MAGI2: variants seen among roughly 807,000 people sequenced by gnomAD.
MAGI2 encodes membrane associated guanylate kinase, WW and PDZ domain containing 2.
In MAGI2, 35 loss-of-function variants were observed where a neutral mutation model predicts 133.3. That is an observed-to-expected ratio of 0.26 (90% CI 0.20 to 0.35). The LOEUF is 0.35. Ranked by LOEUF, MAGI2 falls within the 10% of genes least tolerant of loss-of-function variation. MAGI2 has a pLI of 1.00. For missense variants in MAGI2, 1,636 were observed against 1,863.4 expected (o/e 0.88, Z 2.25); for synonymous variants, 729 against 710.6 (o/e 1.03, Z -0.41).
intron 2 of MAGI2, among the ~76,000 whole-genome samples, chr7:78,694,612 T>G (rs748645787): frequency 6.6e-6 from 1 of 152,126 alleles, no homozygotes; most frequent in Non-Finnish European, 1.5e-5. Context: ...AACAGTACAT[T>G]TTAATATAAA....
intron 2 of MAGI2, among the ~76,000 whole-genome samples, chr7:78,850,754 A>G (rs914213163): frequency 2.0e-5 from 3 of 152,060 alleles, no homozygotes; most frequent in Non-Finnish European, 4.4e-5. Flanking sequence ...AGTCTGTGCT[A>G]CAAAGTCTTG....
At chr7:78,423,694 A>T (rs1799010160) in intron 6 of MAGI2, among the ~76,000 whole-genome samples, 3 of 152,172 alleles carry the variant, frequency 2.0e-5, no homozygotes, top group Admixed American at 2.0e-4. Flanking sequence ...GATAGAGATG[A>T]GGAACTTGTT....
intron 2 of MAGI2, among the ~76,000 whole-genome samples, chr7:78,695,720 G>A (rs1349986012): frequency 6.6e-6 from 1 of 152,120 alleles, no homozygotes; most frequent in East Asian, 1.9e-4. Context: ...GATTTAGTGG[G>A]GGGAAAAATT....
intron 1 of MAGI2, among the ~76,000 whole-genome samples, chr7:79,116,229 G>T (rs1382802424): frequency 1.3e-5 from 2 of 152,122 alleles, no homozygotes; most frequent in African/African-American, 4.8e-5. Context: ...TTTCTTACAA[G>T]ATTCCCTTAG....
chr7:78,942,091 A>G (rs963816542), intron 2 of MAGI2, among the ~76,000 whole-genome samples: 8 of 152,110 alleles, frequency 5.3e-5, no homozygotes, highest in South Asian at 2.1e-4. Context: ...AAAATGTTAT[A>G]TTTGTTTCAG....
intron 1 of MAGI2, among the ~76,000 whole-genome samples, chr7:79,262,475 A>ATT (rs1435528506): frequency 1.3e-5 from 2 of 152,246 alleles, no homozygotes; most frequent in African/African-American, 4.8e-5. Context: ...TTGAGTACAC[A>ATT]TGGAAAGCCA....
intron 3 of MAGI2, among the ~76,000 whole-genome samples, chr7:78,585,535 AAAG>A (rs905697916): frequency 2.0e-5 from 3 of 152,138 alleles, no homozygotes; most frequent in African/African-American, 7.2e-5. Flanking sequence ...GCACCTAGTG[AAAG>A]AAGAAGGGGT....
chr7:78,616,551 G>A (rs973086903), intron 3 of MAGI2: 3 of 151,382 alleles, frequency 2.0e-5, no homozygotes, highest in Non-Finnish European at 4.4e-5. Context: ...CCACACTATG[G>A]GAATGGCCAT....
intron 6 of MAGI2, among the ~76,000 whole-genome samples, chr7:78,446,318 G>A (rs1024983965): frequency 1.2e-4 from 18 of 152,012 alleles, no homozygotes; most frequent in African/African-American, 3.9e-4. Context: ...TTTCTGTGAT[G>A]GAAGTGATCA....
At chr7:78,580,024 TCAAC>T (rs1021044244) in intron 3 of MAGI2, among the ~76,000 whole-genome samples, 49 of 152,196 alleles carry the variant, frequency 3.2e-4, no homozygotes, top group African/African-American at 1.2e-3. Context: ...AGAGATATTC[TCAAC>T]CAAACAATTT....
chr7:78,403,025 AGTCCTGG>A (rs1797036034), intron 6 of MAGI2, among the ~76,000 whole-genome samples: 2 of 152,180 alleles, frequency 1.3e-5, no homozygotes, highest in Non-Finnish European at 2.9e-5. Flanking sequence ...TTATACTTCA[AGTCCTGG>A]GATACATGTG....
At chr7:78,326,311 T>G (rs1326024729) in intron 9 of MAGI2, among the ~76,000 whole-genome samples, 1 of 152,254 alleles carries the variant, frequency 6.6e-6, no homozygotes, top group Non-Finnish European at 1.5e-5. Context: ...ATCATACTTC[T>G]GTGAAATCCA....
At chr7:79,254,681 C>T (rs1833562998) in intron 1 of MAGI2, among the ~76,000 whole-genome samples, 1 of 152,214 alleles carries the variant, frequency 6.6e-6, no homozygotes, top group Admixed American at 6.5e-5. Flanking sequence ...TGGGCCTCTA[C>T]ATTTTTCCAT....
chr7:79,228,700 G>A lies in MAGI2; in HGVS notation c.302-221494C>T, dbSNP rs7799767. On this transcript the variant is annotated intron_variant, in intron 1 of 21. Coordinates refer to ENST00000354212, the MANE Select transcript of MAGI2 (RefSeq NM_012301.4). The stretch of plus-strand genomic sequence containing the variant: ...GTTATTTATGGTTGTGATTGTTTGG[G>A]CCATATCTTGTGAACTGACATGACT... Among the ~76,000 whole-genome samples the A allele has an allele frequency of 4.3e-3, 661 of 152,180 alleles. 5 individuals are homozygous for A. Among genetic ancestry groups the A allele is most frequent in the African/African-American group, 0.015 (622 of 41,542 alleles).
intron 21 of MAGI2, among the ~76,000 whole-genome samples, chr7:78,027,105 A>G (rs1809001730): frequency 6.6e-6 from 1 of 152,206 alleles, no homozygotes; most frequent in African/African-American, 2.4e-5. Flanking sequence ...GTAATGTTCT[A>G]CAAACTCAGC....
intron 6 of MAGI2, among the ~76,000 whole-genome samples, chr7:78,463,310 A>C (rs761316457): frequency 6.6e-6 from 1 of 152,240 alleles, no homozygotes; most frequent in Non-Finnish European, 1.5e-5. Flanking sequence ...GGAAACATAC[A>C]TAGTAGACAG....
chr7:79,192,426 T>C (rs1827752607), intron 1 of MAGI2, among the ~76,000 whole-genome samples: 1 of 151,832 alleles, frequency 6.6e-6, no homozygotes, highest in African/African-American at 2.4e-5. Flanking sequence ...AGACACAGCC[T>C]TTGCCTTTAC....
intron 2 of MAGI2, among the ~76,000 whole-genome samples, chr7:78,635,916 C>A (rs10239743): frequency 6.6e-6 from 1 of 152,076 alleles, no homozygotes; most frequent in African/African-American, 2.4e-5. Flanking sequence ...CACATAAAAT[C>A]CCAAAGTATG....
At chr7:79,199,239 A>G (rs1480810142) in intron 1 of MAGI2, among the ~76,000 whole-genome samples, 1 of 152,064 alleles carries the variant, frequency 6.6e-6, no homozygotes, top group Non-Finnish European at 1.5e-5. Flanking sequence ...GAGTAATAAT[A>G]TTAATGATAG....
Sources: gnomAD v4.1 joint callset for allele counts (sites outside exome capture counted in the v4.1 genomes callset) on GRCh38, gnomAD v4.1.1 for gene constraint, MANE v1.5 for transcripts, NCBI Gene and HGNC (gene_info 2026-07-23, HGNC 2026-07-21) for gene names.